The following ANKRD24 variants were observed in gnomAD, a reference collection of about 807,000 sequenced individuals.
ANKRD24 encodes ankyrin repeat domain 24.
Under a neutral mutation model 127.8 loss-of-function variants are expected in ANKRD24, and 109 were observed. That is an observed-to-expected ratio of 0.85 (90% CI 0.73 to 1.00). The LOEUF (loss-of-function observed/expected upper bound fraction) is 1.00, where lower values mean the gene tolerates loss of function less well. Ranked by LOEUF, ANKRD24 falls within the 50% of genes least tolerant of loss-of-function variation. The pLI is 0.00. For synonymous variants in ANKRD24, 743 were observed against 671.1 expected, an observed-to-expected ratio of 1.11 and a Z score of -1.66; for missense variants, 1,648 against 1,570.2, an observed-to-expected ratio of 1.05 and a Z score of -0.84.
At position 4,195,054 on chromosome 19, in the gene ANKRD24, C is replaced by T. The variant is rs1053445829; in HGVS notation, c.37-4629C>T. Among the ~76,000 whole-genome samples the T allele has an allele frequency of 2.1e-4, 24 of 115,748 alleles. No individual in the cohort carries two copies. The highest frequency in any genetic ancestry group is 3.6e-4 in the Non-Finnish European group (20 of 55,250). 75.9% of individuals were successfully genotyped at this position (115,748 alleles called of 152,430 possible). Reference sequence around the variant, plus strand: ...GCGATCTCGGCGTGAGCCACCGCGCCCAGGTTTTTGTTTGTTTGTTTGTTT... The same window carrying T: ...GCGATCTCGGCGTGAGCCACCGCGCTCAGGTTTTTGTTTGTTTGTTTGTTT... On this transcript the variant is annotated intron_variant, in intron 2 of 21. Transcript: ENST00000318934. This position sits in a 1 kb window ranked among gnomAD's most constrained non-coding sequence, Gnocchi z 4.2.
chr19:4,224,093 T>C, intron 20 of ANKRD24, 34 bp from the exon 21 acceptor site: 1 of 1,600,644 alleles, frequency 6.2e-7, no homozygotes. Context: ...GAGGTGCTCC[T>C]GCTCTTCTGA....
chr19:4,198,659 G>C lies in ANKRD24; in HGVS notation c.37-1024G>C, dbSNP rs1968912589. ...ACCCGGGAAAGATGGTCGGCGGCGG[G>C]GGGTGGGGGGGAACAGAGGTTGGGG... On this transcript the variant is annotated intron_variant, in intron 2 of 21. Transcript: ENST00000318934. The surrounding 1 kb of genome is among the most constrained non-coding windows in gnomAD (Gnocchi z 6.1). 2.5e-6 allele frequency: 1 copy of C among 402,092 alleles called. No homozygotes were observed. The highest frequency in any genetic ancestry group is 2.1e-5 in the African/African-American group (1 of 47,552). The allele number at this position is 402,092 out of a possible 1,614,324, so 24.9% of individuals were successfully genotyped here. A position where few individuals can be genotyped will look rare whatever the true frequency, so the allele number is the denominator to read the frequency against.
In ANKRD24 at chr19:4,202,895, C is replaced by T. The variant is rs1464049101; in HGVS notation, c.435C>T (p.Asp145=). 1 of 1,589,698 alleles carries T rather than the reference C, an allele frequency of 6.3e-7. No homozygotes were observed. The highest frequency in any genetic ancestry group is 8.6e-7 in the Non-Finnish European group (1 of 1,168,446). The stretch of plus-strand genomic sequence containing the variant: ...CTTCCTGCGTGGTGGACGTCGTGGA[C>T]AGCAGCGGGTGGACTGCCCTACACC... ...LQASCVVDVV[D]SSGWTALHHA... is the part of the protein sequence containing the mutation. The change falls in exon 7 of 22, where the codon GAC becomes GAT. Residue 145 remains aspartate (D), a synonymous_variant. Transcript: ENST00000318934.
chr19:4,193,853 A>AGGG (rs1968536871), intron 2 of ANKRD24, among the ~76,000 whole-genome samples: 2 of 25,058 alleles, frequency 8.0e-5, no homozygotes, highest in Non-Finnish European at 8.5e-5. Flanking sequence ...GGGAGGAAGG[A>AGGG]AGGAAGGAAG....
intron 7 of ANKRD24, among the ~76,000 whole-genome samples, chr19:4,205,407 CT>C (rs1969328455): frequency 6.6e-6 from 1 of 152,194 alleles, no homozygotes; most frequent in Non-Finnish European, 1.5e-5. Flanking sequence ...GATTTTTGTG[CT>C]TAATCAGACT....
At chr19:4,210,581 A>G (rs1262198507) in intron 13 of ANKRD24, among the ~76,000 whole-genome samples, 1 of 108,306 alleles carries the variant, frequency 9.2e-6, no homozygotes, top group Non-Finnish European at 2.1e-5. Flanking sequence ...CTCTGCCTGG[A>G]ATGCTCTAGC....
At chr19:4,185,291 G>A (rs1967998242) in intron 1 of ANKRD24, among the ~76,000 whole-genome samples, 1 of 151,942 alleles carries the variant, frequency 6.6e-6, no homozygotes, top group African/African-American at 2.4e-5. Flanking sequence ...AACATGAATT[G>A]GGTGGGTGGG....
chr19:4,189,021 G>C (rs958184052), intron 2 of ANKRD24, among the ~76,000 whole-genome samples: 1 of 150,118 alleles, frequency 6.7e-6, no homozygotes, highest in Non-Finnish European at 1.5e-5. Flanking sequence ...TGTTGGTCAG[G>C]CTGGTCTCGA....
chr19:4,199,409 A>T lies in ANKRD24; in HGVS notation c.37-274A>T. The T allele has an allele frequency of 1.5e-6, 1 of 677,454 alleles. No homozygotes were observed. Among genetic ancestry groups the T allele is most frequent in the Non-Finnish European group, 1.8e-6 (1 of 548,972 alleles). 42.0% of individuals were successfully genotyped at this position (677,454 alleles called of 1,614,324 possible). ...TTATTTTTTGTAGAGACGGGGTCCT[A>T]CTATGGTGCCCAGGTTTGTCTCAAA... On this transcript the variant is annotated intron_variant, in intron 2 of 21. Transcript: ENST00000318934. The surrounding 1 kb of genome is among the most constrained non-coding windows in gnomAD (Gnocchi z 5.2).
chr19:4,217,563 G>A lies in ANKRD24; in HGVS notation c.2403G>A (p.Arg801=). 3 of 1,315,154 alleles carry A rather than the reference G, an allele frequency of 2.3e-6. No individual in the cohort carries two copies. Among genetic ancestry groups the A allele is most frequent in the Non-Finnish European group, 2.9e-6 (3 of 1,036,722 alleles). The allele number at this position is 1,315,154 out of a possible 1,614,324, so 81.5% of individuals were successfully genotyped here. ...LEQAREDLRD[R]DSRLRELEAA... ...AGGCCCGGGAGGACCTCCGAGACCG[G>A]GACTCCCGCCTGCGGGAGCTGGAGG... Residue 801 remains arginine, a synonymous_variant, in exon 18 of 22, where the codon CGG becomes CGA. Transcript: ENST00000318934.
chr19:4,211,913 G>T (rs1969762475), intron 13 of ANKRD24, among the ~76,000 whole-genome samples: 1 of 151,770 alleles, frequency 6.6e-6, no homozygotes, highest in Non-Finnish European at 1.5e-5. Flanking sequence ...TAATAAATAG[G>T]AATGAGGCCG....
At position 4,217,124 on chromosome 19, in the gene ANKRD24, A is replaced by G. The variant is rs1970139747; in HGVS notation, c.1964A>G (p.Tyr655Cys). ...GCAGAGGAAGCAGAAATGCAGGCCTACGGAGTGGGTGCTGGGCAAGCAGAG... is the reference window on the plus strand; with the variant it reads ...GCAGAGGAAGCAGAAATGCAGGCCTGCGGAGTGGGTGCTGGGCAAGCAGAG... ...TKAEEAEMQA[Y>C]GVGAGQAEPP... Residue 655 changes from tyrosine to cysteine, a missense_variant, in exon 18 of 22, where the codon TAC (tyrosine) becomes TGC (cysteine). Physicochemically the swap from Tyr to Cys is radical, Grantham distance 194. Coordinates refer to ENST00000318934, the MANE Select transcript of ANKRD24 (RefSeq NM_001393985.1). The G allele has an allele frequency of 1.2e-6, 2 of 1,613,724 alleles. No individual in the cohort carries two copies. Among genetic ancestry groups the G allele is most frequent in the East Asian group, 2.2e-5 (1 of 44,876 alleles).
intron 1 of ANKRD24, among the ~76,000 whole-genome samples, chr19:4,184,067 A>C (rs1025760119): frequency 1.3e-5 from 2 of 152,232 alleles, no homozygotes; most frequent in African/African-American, 4.8e-5. Context: ...AAATCAGTCC[A>C]GTGATGATAG....
At position 4,207,512 on chromosome 19, in the gene ANKRD24, A is replaced by C. The variant is rs1245053150; in HGVS notation, c.549A>C (p.Thr183=). 1 of 1,613,298 alleles carries C rather than the reference A, an allele frequency of 6.2e-7. No individual in the cohort carries two copies. The highest frequency in any genetic ancestry group is 1.3e-5 in the African/African-American group (1 of 74,832). ...CTCCTCCCTACCAGTCAGGCGCAAC[A>C]CCCCTCATTATAGCAGCTCAGATGT... The part of the protein sequence containing the change: ...HLNPQDRSGA[T]PLIIAAQMCH... The change falls in exon 9 of 22, where the codon ACA becomes ACC. Residue 183 remains threonine (T), a synonymous_variant. Transcript: ENST00000318934.
chr19:4,216,456 G>C (rs1344680110), intron 17 of ANKRD24, 54 bp downstream of exon 17: 2 of 1,555,368 alleles, frequency 1.3e-6, no homozygotes, highest in African/African-American at 2.7e-5. Flanking sequence ...GGTTCCCTGA[G>C]GTCAGGGTGG....
intron 19 of ANKRD24, among the ~76,000 whole-genome samples, chr19:4,221,805 C>T (rs1296226526): frequency 1.3e-5 from 2 of 152,180 alleles, no homozygotes; most frequent in Non-Finnish European, 2.9e-5. Context: ...TTCCCTTGCA[C>T]ACTGTGGACA....
chr19:4,208,439 C>G (rs758763672), intron 10 of ANKRD24, among the ~76,000 whole-genome samples: 8 of 152,100 alleles, frequency 5.3e-5, no homozygotes, highest in Non-Finnish European at 1.0e-4. Flanking sequence ...AAGTCCCTCA[C>G]GCCTGGCTAA....
At chr19:4,224,039 C>T in intron 20 of ANKRD24, 88 bp from the exon 21 acceptor site, 2 of 1,034,404 alleles carry the variant, frequency 1.9e-6, no homozygotes, top group Middle Eastern at 2.1e-4. Context: ...AACGTACAGG[C>T]TTGGGGTGCA....
rs1265132499 is a variant in ANKRD24 at position 4,198,656 on chromosome 19, C to CG, written c.37-1021dup. The CG allele has an allele frequency of 1.8e-5, 7 of 390,430 alleles. No homozygotes were observed. Among genetic ancestry groups the CG allele is most frequent in the Non-Finnish European group, 2.7e-5 (6 of 220,814 alleles). 24.2% of individuals were successfully genotyped at this position (390,430 alleles called of 1,614,324 possible). On this transcript the variant is annotated intron_variant, in intron 2 of 21. Coordinates refer to ENST00000318934, the MANE Select transcript of ANKRD24 (RefSeq NM_001393985.1). The surrounding 1 kb of genome is among the most constrained non-coding windows in gnomAD (Gnocchi z 6.1). ...CAGACCCGGGAAAGATGGTCGGCGGCGGGGGGTGGGGGGGAACAGAGGTTG... is the reference window on the plus strand; with the variant it reads ...CAGACCCGGGAAAGATGGTCGGCGGCGGGGGGGTGGGGGGGAACAGAGGTTG...
Sources: gnomAD v4.1 joint callset for allele counts (sites outside exome capture counted in the v4.1 genomes callset) on GRCh38, gnomAD v4.1.1 for gene constraint, Gnocchi (gnomAD v3.1) non-coding constraint, MANE v1.5 for transcripts, NCBI Gene and HGNC (gene_info 2026-07-23, HGNC 2026-07-21) for gene names.